Variants in SLC30A8 observed in about 807,000 individuals in gnomAD.
SLC30A8 encodes proton-coupled zinc antiporter SLC30A8.
Under a neutral mutation model 36.9 loss-of-function variants are expected in SLC30A8, and 27 were observed. That is an observed-to-expected ratio of 0.73 (90% CI 0.54 to 1.01). The LOEUF (loss-of-function observed/expected upper bound fraction) is 1.01, where lower values mean the gene tolerates loss of function less well. SLC30A8 is among the 50% of genes least tolerant of loss of function. SLC30A8 has a pLI of 0.00. For missense variants in SLC30A8, 439 were observed against 452.0 expected (o/e 0.97, Z 0.26); for synonymous variants, 164 against 172.4 (o/e 0.95, Z 0.38).
chr8:117,156,725 A>C (rs1004948894), intron 3 of SLC30A8, among the ~76,000 whole-genome samples: 1 of 152,250 alleles, frequency 6.6e-6, no homozygotes, highest in Non-Finnish European at 1.5e-5. Flanking sequence ...GTAAAAAGTG[A>C]ATTTATTTGA....
intron 2 of SLC30A8, among the ~76,000 whole-genome samples, chr8:117,082,630 G>A (rs1818708838): frequency 6.6e-6 from 1 of 152,190 alleles, no homozygotes; most frequent in South Asian, 2.1e-4. Flanking sequence ...TGAATGTCAT[G>A]TGATAGGACC....
intron 2 of SLC30A8, among the ~76,000 whole-genome samples, chr8:117,067,052 G>A (rs150307464): frequency 3.9e-5 from 6 of 152,094 alleles, no homozygotes; most frequent in South Asian, 2.1e-4. Context: ...AAGCAAATAC[G>A]TCCTTCTTCA....
At chr8:117,003,150 G>T (rs772257541) in intron 1 of SLC30A8, among the ~76,000 whole-genome samples, 21 of 152,132 alleles carry the variant, frequency 1.4e-4, no homozygotes, top group African/African-American at 2.4e-4. Context: ...TAAAATTCAA[G>T]GTCCACATTG....
chr8:117,080,671 C>T (rs1157670354), intron 2 of SLC30A8, among the ~76,000 whole-genome samples: 1 of 152,150 alleles, frequency 6.6e-6, no homozygotes, highest in African/African-American at 2.4e-5. Context: ...TGATTTCATT[C>T]TTTTTTATGG....
intron 2 of SLC30A8, among the ~76,000 whole-genome samples, chr8:117,107,254 A>C (rs544152928): frequency 6.0e-4 from 91 of 152,296 alleles, no homozygotes; most frequent in Middle Eastern, 6.8e-3. Flanking sequence ...TTGACTCTGC[A>C]TTTAATATAA....
At chr8:117,107,097 A>C (rs1820026799) in intron 2 of SLC30A8, among the ~76,000 whole-genome samples, 1 of 152,090 alleles carries the variant, frequency 6.6e-6, no homozygotes, top group Admixed American at 6.6e-5. Flanking sequence ...CTATTGATCT[A>C]TTTTCTTATA....
chr8:117,008,088 G>T (rs1816238008), intron 1 of SLC30A8, among the ~76,000 whole-genome samples: 1 of 152,146 alleles, frequency 6.6e-6, no homozygotes, highest in Admixed American at 6.5e-5. Context: ...TTAATCACAT[G>T]CTGTATTCCC....
At chr8:117,052,418 A>G (rs909202186) in intron 2 of SLC30A8, among the ~76,000 whole-genome samples, 2 of 152,252 alleles carry the variant, frequency 1.3e-5, no homozygotes, top group Admixed American at 1.3e-4. Flanking sequence ...ATGAAAAAAC[A>G]TATTTACCAT....
Position 117,163,522 on chromosome 8 carries a change from T to C in SLC30A8, c.821T>C (p.Leu274Pro). Reference protein sequence around the residue: ...ITILKDFSILLMEGVPKSLNY... With the variant: ...ITILKDFSILPMEGVPKSLNY... The stretch of plus-strand genomic sequence containing the variant: ...ATCTTAAAGGACTTCTCCATCTTAC[T>C]CATGGAAGGTAGGAGTGATTTTATT... The change falls in exon 6 of 8, where the codon CTC (leucine) becomes CCC (proline). Residue 274 changes from leucine (L) to proline (P), a missense_variant. Leu to Pro is a moderately conservative substitution (Grantham distance 98). Coordinates refer to ENST00000456015, the MANE Select transcript of SLC30A8 (RefSeq NM_173851.3). 1.9e-6 allele frequency: 3 copies of C among 1,609,216 alleles called. No individual in the cohort carries two copies. Among genetic ancestry groups the C allele is most frequent in the Non-Finnish European group, 2.5e-6 (3 of 1,176,480 alleles).
At chr8:116,977,107 G>A (rs892539734) in intron 1 of SLC30A8, among the ~76,000 whole-genome samples, 7 of 146,798 alleles carry the variant, frequency 4.8e-5, no homozygotes, top group African/African-American at 1.3e-4. Flanking sequence ...AGGAGCCACC[G>A]TGCCTGGCCT....
chr8:116,978,494 G>A (rs1417693931), intron 1 of SLC30A8, among the ~76,000 whole-genome samples: 7 of 147,344 alleles, frequency 4.8e-5, no homozygotes, highest in Non-Finnish European at 9.0e-5. Flanking sequence ...TAATCTAAAT[G>A]AGGTGATTAG....
rs554208158 is a variant in SLC30A8, at chr8:117,152,818, T to G, written c.272-126T>G. The G allele has an allele frequency of 1.9e-5, 14 of 734,656 alleles. No individual in the cohort carries two copies. In the South Asian group the frequency reaches 4.9e-4, roughly 26 times the overall value. The allele number at this position is 734,656 out of a possible 1,614,324, so 45.5% of individuals were successfully genotyped here. ...CGCAGAAGGGGTGAATTAAATCAAC[T>G]TTAAGATCTCTTTTTCCTCTAAAGT... On this transcript the variant is annotated intron_variant, in intron 2 of 7. Transcript: ENST00000456015.
chr8:116,969,310 C>T (rs1000715864), intron 1 of SLC30A8, among the ~76,000 whole-genome samples: 6 of 152,034 alleles, frequency 3.9e-5, no homozygotes, highest in South Asian at 2.1e-4. Context: ...CCCAGCTATT[C>T]GGGAGGCTGA....
intron 2 of SLC30A8, among the ~76,000 whole-genome samples, chr8:117,042,504 G>A (rs1817415298): frequency 6.6e-6 from 1 of 152,074 alleles, no homozygotes; most frequent in African/African-American, 2.4e-5. Flanking sequence ...GGCGGGGCGG[G>A]GTTTGGGAAA....
chr8:117,054,881 A>G (rs1257389812), intron 2 of SLC30A8, among the ~76,000 whole-genome samples: 2 of 152,188 alleles, frequency 1.3e-5, no homozygotes, highest in African/African-American at 4.8e-5. Flanking sequence ...GTCATATGAC[A>G]TGTTTAAACT....
chr8:117,050,469 G>A (rs888312171), intron 2 of SLC30A8, among the ~76,000 whole-genome samples: 3 of 150,696 alleles, frequency 2.0e-5, no homozygotes, highest in Non-Finnish European at 4.4e-5. Flanking sequence ...GCAGTAGCAT[G>A]ATCTCAGCTC....
chr8:117,152,720 CTT>C (rs1661958616), intron 2 of SLC30A8, among the ~76,000 whole-genome samples: 1 of 152,136 alleles, frequency 6.6e-6, no homozygotes, highest in Admixed American at 6.5e-5. Flanking sequence ...GTCTCTATGT[CTT>C]TTCTACCCCA....
At chr8:117,091,405 C>G (rs1330650070) in intron 2 of SLC30A8, among the ~76,000 whole-genome samples, 2 of 152,112 alleles carry the variant, frequency 1.3e-5, no homozygotes, top group South Asian at 4.1e-4. Flanking sequence ...TTTCAGAAGT[C>G]CTTTATTCCA....
At chr8:117,061,402 A>G (rs957377838) in intron 2 of SLC30A8, among the ~76,000 whole-genome samples, 19 of 152,234 alleles carry the variant, frequency 1.2e-4, no homozygotes, top group African/African-American at 4.6e-4. Flanking sequence ...ACTGATACAT[A>G]GTGCCTTAGA....
Sources: gnomAD v4.1 joint callset for allele counts (sites outside exome capture counted in the v4.1 genomes callset) on GRCh38, gnomAD v4.1.1 for gene constraint, MANE v1.5 for transcripts, NCBI Gene and HGNC (gene_info 2026-07-23, HGNC 2026-07-21) for gene names.